The following NRG1 variants were observed in gnomAD, a reference collection of about 807,000 sequenced individuals.
NRG1 encodes neuregulin 1.
A neutral mutation model predicts 63.8 loss-of-function variants in NRG1; 18 were observed. The ratio of observed to expected loss-of-function variants is 0.28; its 90% CI spans 0.19 to 0.42. NRG1 has a LOEUF of 0.42. Among genes scored for constraint, NRG1 ranks in the 10% least tolerant of loss-of-function variants. NRG1 has a pLI of 1.00. For synonymous variants in NRG1, 302 were observed against 301.3 expected (o/e 1.00, Z -0.02); for missense variants, 762 against 814.7 (o/e 0.94, Z 0.79).
At position 32,568,962 on chromosome 8, in the gene NRG1, GAA is replaced by G. The variant is rs58218932; in HGVS notation, c.100+20149_100+20150del. On this transcript the variant is annotated intron_variant, in intron 1 of 11. Coordinates refer to ENST00000356819, the Ensembl canonical transcript of NRG1. The stretch of plus-strand genomic sequence containing the variant: ...TGTGAAAATGAAAATCCTTGAAATG[GAA>G]AAAAAAAAAAAAGTTTTTCAGACTA... 7.1e-3 allele frequency among the ~76,000 whole-genome samples: 1,039 copies of G among 146,434 alleles called. 6 individuals are homozygous for G. Among genetic ancestry groups the G allele is most frequent in the African/African-American group, 0.02 (802 of 40,150 alleles).
At chr8:32,664,379 G>C (rs1199392281) in intron 5 of NRG1, among the ~76,000 whole-genome samples, 1 of 152,080 alleles carries the variant, frequency 6.6e-6, no homozygotes, top group Non-Finnish European at 1.5e-5. Flanking sequence ...GATAGTTGAG[G>C]TGGGCCTTGA....
intron 5 of NRG1, among the ~76,000 whole-genome samples, chr8:32,680,424 T>G (rs1295691938): frequency 1.3e-5 from 2 of 152,172 alleles, no homozygotes; most frequent in Non-Finnish European, 2.9e-5. Flanking sequence ...ACTGCACAAT[T>G]AATTATAGTA....
At chr8:32,385,509 G>A (rs112354579) in intron 1 of NRG1, among the ~76,000 whole-genome samples, 1,838 of 152,222 alleles carry the variant, frequency 0.012, 15 homozygotes, top group Middle Eastern at 0.024. Context: ...GTACAGTGGC[G>A]TCTGCTTGGT....
intron 1 of NRG1, among the ~76,000 whole-genome samples, chr8:32,557,476 A>C (rs1835411916): frequency 6.6e-6 from 1 of 152,198 alleles, no homozygotes; most frequent in Non-Finnish European, 1.5e-5. Context: ...TCAGTTGTTT[A>C]AAAATAAGTA....
intron 1 of NRG1, among the ~76,000 whole-genome samples, chr8:31,998,068 G>T (rs1812307084): frequency 1.3e-5 from 2 of 151,842 alleles, no homozygotes; most frequent in Admixed American, 6.6e-5. Flanking sequence ...TAGGGCCTGG[G>T]GTGAGTTTCT....
chr8:31,989,997 A>G (rs557175419), intron 1 of NRG1, among the ~76,000 whole-genome samples: 2 of 152,230 alleles, frequency 1.3e-5, no homozygotes, highest in African/African-American at 4.8e-5. Flanking sequence ...TAGTCAGATT[A>G]GGCTTTGATT....
chr8:31,764,626 T>C (rs1203363966), intron 1 of NRG1, among the ~76,000 whole-genome samples: 4 of 152,218 alleles, frequency 2.6e-5, no homozygotes. Context: ...TGAGATATTT[T>C]ATAGGAATTT....
At chr8:31,876,157 A>G (rs1451953199) in intron 1 of NRG1, among the ~76,000 whole-genome samples, 1 of 152,206 alleles carries the variant, frequency 6.6e-6, no homozygotes, top group Non-Finnish European at 1.5e-5. Context: ...AAGATTTCTC[A>G]ACAATCTTGA....
intron 5 of NRG1, among the ~76,000 whole-genome samples, chr8:32,655,452 T>C (rs1270169355): frequency 2.0e-5 from 3 of 152,176 alleles, no homozygotes; most frequent in African/African-American, 7.2e-5. Context: ...AGGACAAAAG[T>C]GGTTACTGTA....
At chr8:31,920,126 AG>A (rs1833777316) in intron 1 of NRG1, among the ~76,000 whole-genome samples, 1 of 152,136 alleles carries the variant, frequency 6.6e-6, no homozygotes, top group Non-Finnish European at 1.5e-5. Flanking sequence ...CAAATATTTA[AG>A]GAACATTGTT....
chr8:32,482,864 A>AG (rs757259110), intron 1 of NRG1, among the ~76,000 whole-genome samples: 66 of 152,334 alleles, frequency 4.3e-4, no homozygotes, highest in South Asian at 1.0e-3. Flanking sequence ...AGGCACTCCC[A>AG]GCCGTCAACC....
chr8:32,301,552 C>A (rs1855564864), intron 1 of NRG1, among the ~76,000 whole-genome samples: 1 of 152,112 alleles, frequency 6.6e-6, no homozygotes, highest in Non-Finnish European at 1.5e-5. Flanking sequence ...TAAAGACATA[C>A]CCAAGACTGG....
intron 1 of NRG1, among the ~76,000 whole-genome samples, chr8:31,987,320 A>ATATG (rs1554593692): frequency 2.4e-5 from 3 of 125,802 alleles, no homozygotes; most frequent in Admixed American, 8.8e-5. Flanking sequence ...AAACATATAT[A>ATATG]TGTGTGTGTG....
intron 1 of NRG1, among the ~76,000 whole-genome samples, chr8:31,905,689 A>G (rs56045538): frequency 0.01 from 1,519 of 151,808 alleles, 35 homozygotes; most frequent in African/African-American, 0.035. Context: ...ACCACTTTTT[A>G]TTATTCACAG....
rs1806157240 is a variant in NRG1, at chr8:32,673,181, T to G, written c.503-54768T>G. ...CTAGCAACTGAGCAAATACCGCTGA[T>G]CTAGTCAATATCAATTGATAATGTA... is the stretch of plus-strand genomic sequence containing the variant. On this transcript the variant is annotated intron_variant, in intron 5 of 11. Transcript: ENST00000356819. 2.6e-5 allele frequency among the ~76,000 whole-genome samples: 4 copies of G among 152,250 alleles called. No homozygotes were observed. In the South Asian group the frequency reaches 8.3e-4, roughly 31 times the overall value.
chr8:32,551,778 T>A (rs1375895486), intron 1 of NRG1, among the ~76,000 whole-genome samples: 2 of 152,132 alleles, frequency 1.3e-5, no homozygotes, highest in Non-Finnish European at 2.9e-5. Flanking sequence ...GGGTGCTGTA[T>A]CACTGATCCA....
rs185778077 is a variant in NRG1, at chr8:32,098,402, C to T, written c.37+458971C>T. ...GGATTCTCCTGTTAGATATATGTGGCTGTTAAACAAGGTCTCAGAAATAAC... is the reference window on the plus strand; with the variant it reads ...GGATTCTCCTGTTAGATATATGTGGTTGTTAAACAAGGTCTCAGAAATAAC... On this transcript the variant is annotated intron_variant, in intron 1 of 10. Transcript: ENST00000519301. 2.5e-4 allele frequency among the ~76,000 whole-genome samples: 38 copies of T among 152,272 alleles called. No homozygotes were observed. In the East Asian group the frequency reaches 6.4e-3, roughly 26 times the overall value.
Position 32,515,770 on chromosome 8 carries a change from T to C in NRG1, c.38-80058T>C, listed in dbSNP as rs72612112. Among the ~76,000 whole-genome samples the C allele has an allele frequency of 0.045, 6,852 of 152,228 alleles. 1,101 individuals carry two copies. The East Asian group carries it at 0.62, about 14-fold the overall frequency. Reference sequence around the variant, plus strand: ...CTCACTTTTTAATGGGGTTATTTGTTTTTTGTTTATTGATTTAAGTTCTTT... The same window carrying C: ...CTCACTTTTTAATGGGGTTATTTGTCTTTTGTTTATTGATTTAAGTTCTTT... On this transcript the variant is annotated intron_variant, in intron 1 of 10. Transcript: ENST00000519301.
intron 1 of NRG1, among the ~76,000 whole-genome samples, chr8:32,118,295 T>C (rs1832997976): frequency 6.6e-6 from 1 of 152,038 alleles, no homozygotes; most frequent in South Asian, 2.1e-4. Context: ...TTAGTTTCTG[T>C]GAGAGTTGTC....
Sources: allele counts gnomAD v4.1 joint callset (sites outside exome capture counted in the v4.1 genomes callset), GRCh38; gene constraint gnomAD v4.1.1; transcripts MANE v1.5; gene names NCBI Gene and HGNC (gene_info 2026-07-23, HGNC 2026-07-21).